Variants in PIR observed in about 807,000 individuals in gnomAD.
PIR encodes the protein pirin (iron-binding nuclear protein).
Under a neutral mutation model 24.2 loss-of-function variants are expected in PIR, and 22 were observed. The observed-to-expected ratio is 0.91, with a 90% CI of 0.65 to 1.30. The LOEUF is 1.30. Ranked by LOEUF, PIR falls within the 50% of genes most tolerant of loss-of-function variation. The pLI is 0.00. For missense variants in PIR, 220 were observed against 220.3 expected (o/e 1.00, Z 0.01); for synonymous variants, 80 against 79.6 (o/e 1.00, Z -0.03).
chrX:15,475,770 T>C (rs1922161311), intron 3 of PIR, among the ~76,000 whole-genome samples: 1 of 111,675 alleles, frequency 9.0e-6, no homozygotes, highest in Non-Finnish European at 1.9e-5. Context: ...TGCAGAAGTA[T>C]TTCACCTTTT....
chrX:15,439,791 A>G (rs1372574400), intron 5 of PIR, among the ~76,000 whole-genome samples: 2 of 112,353 alleles, frequency 1.8e-5, no homozygotes, highest in African/African-American at 3.2e-5. Flanking sequence ...ATTTGAACCC[A>G]GGTGTGCTTG....
At chrX:15,471,855 C>T (rs1393317373) in intron 3 of PIR, among the ~76,000 whole-genome samples, 2 of 112,209 alleles carry the variant, frequency 1.8e-5, no homozygotes, top group Non-Finnish European at 3.8e-5. Flanking sequence ...AGTGCACTCA[C>T]TATTTTAATA....
chrX:15,477,521 C>T (rs1344370299), intron 3 of PIR, among the ~76,000 whole-genome samples: 2 of 111,391 alleles, frequency 1.8e-5, no homozygotes, highest in Non-Finnish European at 1.9e-5. Context: ...AACTCTAGGC[C>T]AAGAGTGTTA....
chrX:15,397,401 C>A (rs1359346489), intron 8 of PIR, 48 bp downstream of exon 8: 1 of 889,863 alleles, frequency 1.1e-6, no homozygotes, highest in Non-Finnish European at 1.7e-6. Context: ...TCTTGGAAAC[C>A]AGTAGAAAGT....
At chrX:15,464,255 C>T (rs777105606) in intron 3 of PIR, 8 of 157,178 alleles carry the variant, frequency 5.1e-5, no homozygotes, top group Admixed American at 9.4e-5. Flanking sequence ...GATGAACATA[C>T]ATCACAATGT....
At chrX:15,455,062 G>A (rs1165352662) in intron 5 of PIR, among the ~76,000 whole-genome samples, 5 of 111,922 alleles carry the variant, frequency 4.5e-5, no homozygotes, top group Non-Finnish European at 7.5e-5. Flanking sequence ...TCCTAGGAAC[G>A]CTTACTTAAA....
At chrX:15,396,427 G>A (rs1308738405) in intron 8 of PIR, among the ~76,000 whole-genome samples, 1 of 111,606 alleles carries the variant, frequency 9.0e-6, no homozygotes, top group Non-Finnish European at 1.9e-5. Context: ...AAGTCAGTCC[G>A]ACTGCCTCGG....
At chrX:15,419,353 G>GTGTGTGTGTC (rs1925035142) in intron 6 of PIR, among the ~76,000 whole-genome samples, 1 of 101,316 alleles carries the variant, frequency 9.9e-6, no homozygotes, top group Non-Finnish European at 2.0e-5. Context: ...CTGTGTGTGT[G>GTGTGTGTGTC]TGTGTGTGTG....
At chrX:15,483,783 A>G (rs1357833392) in intron 2 of PIR, among the ~76,000 whole-genome samples, 1 of 112,401 alleles carries the variant, frequency 8.9e-6, no homozygotes, top group African/African-American at 3.2e-5. Context: ...CACCTGGTCC[A>G]GTGCCCAAAG....
intron 2 of PIR, among the ~76,000 whole-genome samples, chrX:15,488,361 A>G (rs1392233661): frequency 9.1e-6 from 1 of 109,664 alleles, no homozygotes; most frequent in East Asian, 2.8e-4. Context: ...AGATGCTTTC[A>G]TTCTCTGCTG....
At chrX:15,404,002 T>A (rs1214889998) in intron 7 of PIR, among the ~76,000 whole-genome samples, 1 of 108,177 alleles carries the variant, frequency 9.2e-6, no homozygotes, top group African/African-American at 3.4e-5. Flanking sequence ...TCTTTTTTTT[T>A]TTTTTTTCTT....
rs149633001 is a variant in PIR at position 15,488,639 on chromosome X, T to C, written c.96+2523A>G. Among the ~76,000 whole-genome samples the C allele has an allele frequency of 3.6e-4, 40 of 112,232 alleles. No individual in the cohort carries two copies. The East Asian group carries it at 0.01, about 28-fold the overall frequency. On this transcript the variant is annotated intron_variant, in intron 2 of 9. Transcript: ENST00000380420. ...TCCCATGATGTAAAATATACAATTA[T>C]ATGGAAACAAACAAAAAGACCCTTT...
chrX:15,455,185 G>A (rs758767132), intron 5 of PIR, among the ~76,000 whole-genome samples: 9 of 112,386 alleles, frequency 8.0e-5, no homozygotes, highest in Non-Finnish European at 1.7e-4. Context: ...CCCAGGAGCA[G>A]TTCTGGTGTG....
chrX:15,424,538 CTAGAAAA>C, intron 6 of PIR, among the ~76,000 whole-genome samples: 1 of 112,044 alleles, frequency 8.9e-6, no homozygotes, highest in East Asian at 2.8e-4. Flanking sequence ...TTCCAAACAG[CTAGAAAA>C]GAATAATTCA....
chrX:15,396,860 C>T (rs1924167303), intron 8 of PIR, among the ~76,000 whole-genome samples: 1 of 111,045 alleles, frequency 9.0e-6, no homozygotes, highest in African/African-American at 3.3e-5. Flanking sequence ...TCTGCCTCAG[C>T]CTCCCGAGTA....
chrX:15,431,299 C>T (rs1332116235), intron 5 of PIR, among the ~76,000 whole-genome samples: 5 of 111,897 alleles, frequency 4.5e-5, no homozygotes, highest in South Asian at 3.7e-4. Flanking sequence ...TAACTTTCGA[C>T]GAATCTCTTT....
intron 5 of PIR, among the ~76,000 whole-genome samples, chrX:15,434,460 G>C (rs929317583): frequency 9.1e-6 from 1 of 110,076 alleles, no homozygotes; most frequent in African/African-American, 3.3e-5. Context: ...AAGAAAGACA[G>C]GGAGAGGGAG....
chrX:15,477,669 C>T (rs1378938858), intron 3 of PIR, among the ~76,000 whole-genome samples: 1 of 44,448 alleles, frequency 2.2e-5, no homozygotes, highest in East Asian at 3.5e-3. Context: ...AAATTACCCA[C>T]ACAAAGCACA....
At chrX:15,482,051 G>A (rs757319601) in intron 2 of PIR, among the ~76,000 whole-genome samples, 3 of 111,666 alleles carry the variant, frequency 2.7e-5, no homozygotes, top group Non-Finnish European at 3.8e-5. Context: ...ATGTGACATG[G>A]CCAAGCCCAA....
Sources: gnomAD v4.1 joint callset for allele counts (sites outside exome capture counted in the v4.1 genomes callset) on GRCh38, gnomAD v4.1.1 for gene constraint, MANE v1.5 for transcripts, NCBI Gene and HGNC (gene_info 2026-07-23, HGNC 2026-07-21) for gene names.